Variants in ATP2B4 observed in about 807,000 individuals in gnomAD.
ATP2B4 encodes the protein plasma membrane calcium-transporting ATPase 4.
Under a neutral mutation model 110.3 loss-of-function variants are expected in ATP2B4, and 39 were observed. The ratio of observed to expected loss-of-function variants is 0.35; its 90% CI spans 0.27 to 0.46. The LOEUF is 0.46. Ranked by LOEUF, ATP2B4 falls within the 20% of genes least tolerant of loss-of-function variation. The probability of loss-of-function intolerance (pLI) is 1.00; values close to 1 mark genes in which losing one functional copy is unlikely to be tolerated. For synonymous variants in ATP2B4, 538 were observed against 571.7 expected (o/e 0.94, Z 0.84); for missense variants, 1,135 against 1,530.9 (o/e 0.74, Z 4.32).
At chr1:203,634,203 T>G (rs1663367647) in intron 1 of ATP2B4, among the ~76,000 whole-genome samples, 1 of 152,238 alleles carries the variant, frequency 6.6e-6, no homozygotes, top group East Asian at 1.9e-4. Context: ...ATCGTTGTTT[T>G]TGTAGTGTAA....
chr1:203,711,884 G>T, intron 12 of ATP2B4, 76 bp from the exon 13 acceptor site: 1 of 1,525,164 alleles, frequency 6.6e-7, no homozygotes. Context: ...CTGCCACAAA[G>T]GGACAGACAA....
At chr1:203,631,847 T>C (rs1286169621) in intron 1 of ATP2B4, among the ~76,000 whole-genome samples, 1 of 152,128 alleles carries the variant, frequency 6.6e-6, no homozygotes, top group Non-Finnish European at 1.5e-5. Context: ...CAGGCTGGAG[T>C]GCAGCGGCGC....
chr1:203,712,609 AG>A (rs1244468521), intron 13 of ATP2B4, among the ~76,000 whole-genome samples: 1 of 151,096 alleles, frequency 6.6e-6, no homozygotes, highest in Non-Finnish European at 1.5e-5. Context: ...AAAAAAAAAG[AG>A]GGGGGGAGTT....
At chr1:203,681,804 A>T (rs141199892) in intron 1 of ATP2B4, among the ~76,000 whole-genome samples, 77 of 152,106 alleles carry the variant, frequency 5.1e-4, no homozygotes, top group African/African-American at 1.8e-3. Flanking sequence ...CTCCCTTGCT[A>T]ACCTTGCTGT....
At chr1:203,630,999 C>T (rs1005675383) in intron 1 of ATP2B4, among the ~76,000 whole-genome samples, 3 of 152,224 alleles carry the variant, frequency 2.0e-5, no homozygotes, top group Non-Finnish European at 4.4e-5. Flanking sequence ...GTTCCACTGA[C>T]TTATTTCCTC....
chr1:203,738,545 C>T (rs1325199190), intron 20 of ATP2B4, among the ~76,000 whole-genome samples: 1 of 152,170 alleles, frequency 6.6e-6, no homozygotes, highest in Non-Finnish European at 1.5e-5. Flanking sequence ...TTTCCTTCAT[C>T]CTCTTCATCC....
At chr1:203,730,267 G>GA (rs1666663945) in intron 20 of ATP2B4, among the ~76,000 whole-genome samples, 1 of 151,074 alleles carries the variant, frequency 6.6e-6, no homozygotes, top group African/African-American at 2.4e-5. Context: ...AAGTGGAAAA[G>GA]GGCTAGGTAG....
intron 1 of ATP2B4, among the ~76,000 whole-genome samples, chr1:203,672,252 C>T (rs1664686448): frequency 6.6e-6 from 1 of 151,656 alleles, no homozygotes. Context: ...TCCATCTTCC[C>T]CTTCCTGGCT....
chr1:203,677,013 T>C (rs1477473742), intron 1 of ATP2B4, among the ~76,000 whole-genome samples: 3 of 152,112 alleles, frequency 2.0e-5, no homozygotes, highest in South Asian at 2.1e-4. Context: ...AGTAAGCTCA[T>C]AGTTTGTTTA....
At chr1:203,720,902 G>A (rs1321586529) in intron 16 of ATP2B4, among the ~76,000 whole-genome samples, 162 bp downstream of exon 16, 1 of 152,236 alleles carries the variant, frequency 6.6e-6, no homozygotes, top group Non-Finnish European at 1.5e-5. Context: ...ATCTGCTTAT[G>A]TAGATGGTAA....
chr1:203,647,464 C>A lies in ATP2B4; in HGVS notation c.-465+20245C>A, dbSNP rs573742797. On this transcript the variant is annotated intron_variant, in intron 1 of 20. Coordinates refer to ENST00000357681, the MANE Select transcript of ATP2B4 (RefSeq NM_001684.5). ...AAAAAACAGAAAATAACAACAACAA[C>A]AAAAAAAACAAACGGCTGGACACAG... 2.6e-3 allele frequency among the ~76,000 whole-genome samples: 395 copies of A among 150,824 alleles called. 1 individual carries two copies. The highest frequency in any genetic ancestry group is 4.5e-3 in the Non-Finnish European group (302 of 67,676).
intron 2 of ATP2B4, among the ~76,000 whole-genome samples, chr1:203,687,310 A>G (rs1665227094): frequency 6.6e-6 from 1 of 152,178 alleles, no homozygotes; most frequent in Admixed American, 6.5e-5. Context: ...AAAAAAAGAA[A>G]AGAAAAGAAG....
chr1:203,656,085 G>A (rs1185019172), intron 1 of ATP2B4, among the ~76,000 whole-genome samples: 3 of 146,190 alleles, frequency 2.1e-5, no homozygotes, highest in African/African-American at 7.7e-5. Context: ...TTTTTTTGGT[G>A]ATTATAGATT....
At chr1:203,698,003 C>T (rs1436079157) in intron 2 of ATP2B4, among the ~76,000 whole-genome samples, 154 bp from the exon 3 acceptor site, 1 of 151,942 alleles carries the variant, frequency 6.6e-6, no homozygotes, top group South Asian at 2.1e-4. Flanking sequence ...CCATGCCTGG[C>T]CTCTTTATTT....
At chr1:203,687,654 G>T (rs927009659) in intron 2 of ATP2B4, among the ~76,000 whole-genome samples, 2 of 152,136 alleles carry the variant, frequency 1.3e-5, no homozygotes, top group African/African-American at 4.8e-5. Context: ...TAGATTGACA[G>T]AATTTTTTTT....
chr1:203,718,399 A>G (rs1666221771), intron 15 of ATP2B4, among the ~76,000 whole-genome samples: 1 of 152,104 alleles, frequency 6.6e-6, no homozygotes, highest in African/African-American at 2.4e-5. Flanking sequence ...CCCAGGTACA[A>G]GCAGTTCTCC....
At chr1:203,647,982 G>T (rs775064910) in intron 1 of ATP2B4, among the ~76,000 whole-genome samples, 4 of 152,140 alleles carry the variant, frequency 2.6e-5, no homozygotes, top group Non-Finnish European at 5.9e-5. Flanking sequence ...GAGAAGATGG[G>T]CAGGCCAACT....
At chr1:203,664,221 A>C (rs962728963) in intron 1 of ATP2B4, among the ~76,000 whole-genome samples, 1 of 152,216 alleles carries the variant, frequency 6.6e-6, no homozygotes, top group African/African-American at 2.4e-5. Flanking sequence ...AACCTCAGAC[A>C]GATAGATTCC....
chr1:203,735,699 C>T (rs533695654), intron 20 of ATP2B4, among the ~76,000 whole-genome samples: 1 of 152,336 alleles, frequency 6.6e-6, no homozygotes, highest in African/African-American at 2.4e-5. Flanking sequence ...AAAGAACTCA[C>T]TAAGTCTTGC....
Sources: gnomAD v4.1 joint callset for allele counts (sites outside exome capture counted in the v4.1 genomes callset) on GRCh38, gnomAD v4.1.1 for gene constraint, MANE v1.5 for transcripts, NCBI Gene and HGNC (gene_info 2026-07-23, HGNC 2026-07-21) for gene names.